Variants in UBR2 observed in about 807,000 individuals in gnomAD.
UBR2 encodes E3 ubiquitin-protein ligase UBR2.
In UBR2, 92 loss-of-function variants were observed where a neutral mutation model predicts 247.9. The ratio of observed to expected loss-of-function variants is 0.37; its 90% CI spans 0.31 to 0.44. UBR2 has a LOEUF of 0.44. Ranked by LOEUF, UBR2 falls within the 20% of genes least tolerant of loss-of-function variation. The pLI is 1.00. For missense variants in UBR2, 1,613 were observed against 2,112.6 expected (o/e 0.76, Z 4.64); for synonymous variants, 672 against 693.5 (o/e 0.97, Z 0.49).
At chr6:42,577,077 C>T (rs1791571078) in intron 2 of UBR2, among the ~76,000 whole-genome samples, 1 of 152,106 alleles carries the variant, frequency 6.6e-6, no homozygotes, top group Non-Finnish European at 1.5e-5. Flanking sequence ...TAGTAAATGG[C>T]CATGCTGGGT....
intron 2 of UBR2, among the ~76,000 whole-genome samples, chr6:42,586,536 C>CTTTTTTTTTTTTTTTTTTTTTT (rs1792277581): frequency 1.2e-5 from 1 of 84,072 alleles, no homozygotes; most frequent in African/African-American, 5.3e-5. Flanking sequence ...CAGTTTGTCT[C>CTTTTTTTTTTTTTTTTTTTTTT]TCTTTTTTTT....
At chr6:42,614,010 G>A (rs1189497079) in intron 8 of UBR2, among the ~76,000 whole-genome samples, 1 of 150,150 alleles carries the variant, frequency 6.7e-6, no homozygotes, top group Non-Finnish European at 1.5e-5. Context: ...AACCCCGTCT[G>A]TACTAAAAAT....
chr6:42,601,676 G>A (rs549046927), intron 4 of UBR2, among the ~76,000 whole-genome samples: 41 of 105,956 alleles, frequency 3.9e-4, no homozygotes, highest in Admixed American at 3.3e-3. Context: ...CGACAAGAGC[G>A]AAACTCTAGC....
At position 42,677,010 on chromosome 6, in the gene UBR2, G is replaced by A. The variant is rs374853747; in HGVS notation, c.4478+137G>A. On this transcript the variant is annotated intron_variant, in intron 40 of 46. Transcript: ENST00000372901. ...TTTAAAATAAGACGTGGAGTGATCT[G>A]CAGAGCCTTTCTGAACTATTCATAT... The A allele has an allele frequency of 9.7e-5, 67 of 689,886 alleles. No individual in the cohort carries two copies. In the African/African-American group the frequency reaches 1.1e-3, roughly 11 times the overall value. The allele number at this position is 689,886 out of a possible 1,614,324, so 42.7% of individuals were successfully genotyped here. A position where few individuals can be genotyped will look rare whatever the true frequency, so the allele number is the denominator to read the frequency against.
chr6:42,615,000 A>C, intron 8 of UBR2, 71 bp from the exon 9 acceptor site: 2 of 1,305,278 alleles, frequency 1.5e-6, no homozygotes, highest in Non-Finnish European at 2.2e-6. Flanking sequence ...ATCCATTTGA[A>C]CATCTACTAA....
At position 42,576,560 on chromosome 6, in the gene UBR2, C is replaced by A. The variant is rs1582431191; in HGVS notation, c.338+2567C>A. Among the ~76,000 whole-genome samples, 4 of 132,130 alleles carry A rather than the reference C, an allele frequency of 3.0e-5. No individual in the cohort carries two copies. The South Asian group carries it at 1.0e-3, about 34-fold the overall frequency. 86.7% of individuals were successfully genotyped at this position (132,130 alleles called of 152,430 possible). ...TTTTTTTTTTTTTGAGATGGAGTCT[C>A]ACCCCGTAGCCCAGGCTGGATTGTA... On this transcript the variant is annotated intron_variant, in intron 2 of 46. Coordinates refer to ENST00000372901, the MANE Select transcript of UBR2 (RefSeq NM_001363705.2).
At chr6:42,680,128 C>A (rs980456182) in intron 42 of UBR2, among the ~76,000 whole-genome samples, 4 of 152,122 alleles carry the variant, frequency 2.6e-5, no homozygotes, top group Admixed American at 6.5e-5. Context: ...GCCTCGGCCT[C>A]CCAAGTAGCT....
intron 43 of UBR2, among the ~76,000 whole-genome samples, chr6:42,683,962 C>T (rs1237371748): frequency 6.6e-6 from 1 of 152,188 alleles, no homozygotes; most frequent in African/African-American, 2.4e-5. Context: ...AGTCAGAAGA[C>T]TAGAGATTAT....
intron 11 of UBR2, chr6:42,619,977 T>C: frequency 2.1e-6 from 2 of 934,858 alleles, no homozygotes; most frequent in Non-Finnish European, 1.3e-6. Flanking sequence ...ACTTTTTATA[T>C]TTTTAAACAG....
At chr6:42,617,295 C>G (rs1794618444) in intron 10 of UBR2, 114 bp from the exon 11 acceptor site, 4 of 1,614,000 alleles carry the variant, frequency 2.5e-6, no homozygotes, top group Middle Eastern at 1.6e-4. Context: ...CGAGCAGTGT[C>G]GGTGACTGCT....
intron 42 of UBR2, among the ~76,000 whole-genome samples, chr6:42,680,728 C>CA (rs1223881575): frequency 1.3e-5 from 2 of 152,150 alleles, no homozygotes; most frequent in Non-Finnish European, 2.9e-5. Context: ...GTTCTGTCCA[C>CA]AAAACGGGGG....
chr6:42,630,288 G>T (rs142457933), intron 11 of UBR2, among the ~76,000 whole-genome samples: 1 of 151,098 alleles, frequency 6.6e-6, no homozygotes, highest in Non-Finnish European at 1.5e-5. Flanking sequence ...GAGTTCAAGC[G>T]GTTCTCCTGT....
At chr6:42,611,125 T>C (rs867844541) in intron 7 of UBR2, among the ~76,000 whole-genome samples, 3 of 145,712 alleles carry the variant, frequency 2.1e-5, no homozygotes, top group Non-Finnish European at 4.5e-5. Context: ...GGATTACAGG[T>C]GTGAGCTACC....
intron 42 of UBR2, among the ~76,000 whole-genome samples, chr6:42,682,651 A>T (rs528203647): frequency 1.3e-5 from 2 of 152,182 alleles, no homozygotes; most frequent in South Asian, 4.1e-4. Flanking sequence ...AACTCCTGGG[A>T]TCAAGTAATC....
intron 30 of UBR2, 59 bp from the exon 31 acceptor site, chr6:42,662,125 T>G: frequency 1.8e-6 from 2 of 1,111,652 alleles, no homozygotes; most frequent in East Asian, 4.9e-5. Flanking sequence ...GTTACACATT[T>G]GTTATAGGAA....
chr6:42,607,237 G>T (rs1001358429), intron 7 of UBR2, among the ~76,000 whole-genome samples: 1 of 149,442 alleles, frequency 6.7e-6, no homozygotes, highest in Non-Finnish European at 1.5e-5. Context: ...GTGCAATCTC[G>T]GCTCACTGCA....
chr6:42,565,424 C>T (rs1005618553), intron 1 of UBR2, among the ~76,000 whole-genome samples: 3 of 152,136 alleles, frequency 2.0e-5, no homozygotes, highest in African/African-American at 7.2e-5. Context: ...AGCTGTTGGT[C>T]AGTGAGTAGT....
intron 26 of UBR2, 66 bp from the exon 27 acceptor site, chr6:42,657,958 G>C: frequency 8.3e-7 from 1 of 1,206,274 alleles, no homozygotes; most frequent in South Asian, 1.3e-5. Flanking sequence ...TTATGTTCCT[G>C]TGCGTAGGAA....
At chr6:42,589,374 A>C (rs750157450) in intron 2 of UBR2, among the ~76,000 whole-genome samples, 3 of 152,200 alleles carry the variant, frequency 2.0e-5, no homozygotes, top group Non-Finnish European at 4.4e-5. Flanking sequence ...GATAAATTCT[A>C]CTTGGTTATA....
Sources: gnomAD v4.1 joint callset for allele counts (sites outside exome capture counted in the v4.1 genomes callset) on GRCh38, gnomAD v4.1.1 for gene constraint, MANE v1.5 for transcripts, NCBI Gene and HGNC (gene_info 2026-07-23, HGNC 2026-07-21) for gene names.